Variants in LDLRAD4 observed in about 807,000 individuals in gnomAD.
The protein encoded by LDLRAD4 is low-density lipoprotein receptor class A domain-containing protein 4.
LDLRAD4 carries 5 observed loss-of-function variants against 17.0 expected under a neutral mutation model. The observed-to-expected ratio is 0.29, with a 90% CI of 0.15 to 0.62. The LOEUF is 0.62. Ranked by LOEUF, LDLRAD4 falls within the 20% of genes least tolerant of loss-of-function variation. The probability of loss-of-function intolerance (pLI) is 0.84; values close to 1 mark genes in which losing one functional copy is unlikely to be tolerated. For synonymous variants in LDLRAD4, 168 were observed against 171.8 expected (o/e 0.98, Z 0.17); for missense variants, 340 against 424.7 (o/e 0.80, Z 1.75).
chr18:13,499,874 T>C (rs1391390815), intron 3 of LDLRAD4, among the ~76,000 whole-genome samples: 1 of 152,218 alleles, frequency 6.6e-6, no homozygotes, highest in Non-Finnish European at 1.5e-5. Flanking sequence ...CCGTTTTTGC[T>C]CTCAGCTGTC....
At chr18:13,328,345 C>T (rs2081647244) in intron 1 of LDLRAD4, among the ~76,000 whole-genome samples, 1 of 152,220 alleles carries the variant, frequency 6.6e-6, no homozygotes, top group African/African-American at 2.4e-5. Flanking sequence ...CCTGTTTCTC[C>T]TTTCATAAAT....
chr18:13,619,514 C>CT (rs1491433531), intron 3 of LDLRAD4, among the ~76,000 whole-genome samples: 2 of 11,342 alleles, frequency 1.8e-4, no homozygotes, highest in Admixed American at 9.6e-4. Context: ...GGGGGTGGGG[C>CT]CGGGGGGGGG....
At chr18:13,474,073 C>T (rs1420965151) in intron 3 of LDLRAD4, among the ~76,000 whole-genome samples, 1 of 152,080 alleles carries the variant, frequency 6.6e-6, no homozygotes, top group African/African-American at 2.4e-5. Context: ...GAACCCGCCT[C>T]GTGCTCTTTC....
At chr18:13,242,355 TC>T (rs1318045056) in intron 1 of LDLRAD4, among the ~76,000 whole-genome samples, 1 of 152,230 alleles carries the variant, frequency 6.6e-6, no homozygotes, top group Non-Finnish European at 1.5e-5. Context: ...GTTGTTTAAT[TC>T]CTGCTGGTAC....
intron 3 of LDLRAD4, chr18:13,613,096 G>T: frequency 4.9e-6 from 1 of 204,514 alleles, no homozygotes; most frequent in Non-Finnish European, 9.8e-6. Context: ...GACCTCCCCT[G>T]GAAATTCTGC....
intron 2 of LDLRAD4, among the ~76,000 whole-genome samples, chr18:13,425,244 A>G (rs1001438397): frequency 6.6e-6 from 1 of 152,180 alleles, no homozygotes; most frequent in African/African-American, 2.4e-5. Flanking sequence ...TAAGGCAAGG[A>G]ACATAGTCCT....
At position 13,376,916 on chromosome 18, in the gene LDLRAD4, G is replaced by T. The variant is rs11873718; in HGVS notation, c.-382-10425G>T. On this transcript the variant is annotated intron_variant, in intron 1 of 5. Coordinates refer to ENST00000359446, the Ensembl canonical transcript of LDLRAD4. The stretch of plus-strand genomic sequence containing the variant: ...TGGCCGGAGGCCTCCAGAACACAGC[G>T]GTGGGGTTTGTGGCCCCATTAGTTA... Among the ~76,000 whole-genome samples the T allele has an allele frequency of 6.6e-3, 1,006 of 152,356 alleles. 15 individuals carry two copies. Among genetic ancestry groups the T allele is most frequent in the African/African-American group, 0.023 (941 of 41,584 alleles).
At chr18:13,228,661 C>A (rs1324962736) in intron 1 of LDLRAD4, among the ~76,000 whole-genome samples, 2 of 152,102 alleles carry the variant, frequency 1.3e-5, no homozygotes, top group African/African-American at 4.8e-5. Flanking sequence ...TTGAGACCAG[C>A]CTGGGCAGCA....
At chr18:13,249,507 A>AT (rs2043128234) in intron 1 of LDLRAD4, among the ~76,000 whole-genome samples, 1 of 151,484 alleles carries the variant, frequency 6.6e-6, no homozygotes, top group African/African-American at 2.4e-5. Flanking sequence ...GATGTTGCAC[A>AT]TTTTTCATAT....
intron 2 of LDLRAD4, among the ~76,000 whole-genome samples, chr18:13,402,186 G>A (rs2087287102): frequency 6.6e-6 from 1 of 152,086 alleles, no homozygotes; most frequent in Non-Finnish European, 1.5e-5. Context: ...TCAGGCTGTG[G>A]GCCCCGTTCC....
intron 1 of LDLRAD4, among the ~76,000 whole-genome samples, chr18:13,224,626 C>T (rs555456586): frequency 2.2e-4 from 33 of 151,274 alleles, no homozygotes; most frequent in South Asian, 6.3e-4. Context: ...ATTACAGGCA[C>T]GTGCCACCAC....
chr18:13,479,422 A>T (rs934498396), intron 3 of LDLRAD4, among the ~76,000 whole-genome samples: 3 of 152,202 alleles, frequency 2.0e-5, no homozygotes, highest in Non-Finnish European at 4.4e-5. Flanking sequence ...GGGGTTGGAG[A>T]CCAGCCTGGC....
intron 3 of LDLRAD4, among the ~76,000 whole-genome samples, chr18:13,569,178 C>CT (rs1338733313): frequency 6.6e-6 from 1 of 152,208 alleles, no homozygotes; most frequent in African/African-American, 2.4e-5. Flanking sequence ...GAGAAGCGCC[C>CT]TTTGCCCTCC....
chr18:13,587,787 T>A (rs1309245330), intron 3 of LDLRAD4, among the ~76,000 whole-genome samples: 1 of 152,256 alleles, frequency 6.6e-6, no homozygotes, highest in Admixed American at 6.5e-5. Context: ...ATAATCCTGC[T>A]TACTGGTATC....
intron 3 of LDLRAD4, among the ~76,000 whole-genome samples, chr18:13,617,374 C>G (rs184804828): frequency 7.2e-5 from 11 of 152,222 alleles, no homozygotes; most frequent in African/African-American, 2.6e-4. Context: ...TGTGCTGTGT[C>G]AGACCAAAAG....
intron 3 of LDLRAD4, chr18:13,472,580 C>T (rs1299975350): frequency 6.6e-6 from 1 of 152,098 alleles, no homozygotes; most frequent in African/African-American, 2.4e-5. Context: ...CTGGCGGCCT[C>T]CTCTGTCCTG....
intron 1 of LDLRAD4, among the ~76,000 whole-genome samples, chr18:13,352,828 T>C (rs191775628): frequency 2.3e-4 from 35 of 152,286 alleles, no homozygotes; most frequent in African/African-American, 8.4e-4. Flanking sequence ...GTCTTTAGAT[T>C]TTCTTATTCT....
intron 3 of LDLRAD4, among the ~76,000 whole-genome samples, chr18:13,604,329 G>A (rs926248251): frequency 2.6e-5 from 4 of 152,220 alleles, no homozygotes; most frequent in Non-Finnish European, 4.4e-5. Flanking sequence ...ACGGGTGCAG[G>A]CCTGCTGCCC....
chr18:13,415,341 G>A (rs2088777687), intron 2 of LDLRAD4, among the ~76,000 whole-genome samples: 1 of 152,240 alleles, frequency 6.6e-6, no homozygotes, highest in South Asian at 2.1e-4. Flanking sequence ...CCTTTCTCCA[G>A]TTAACGACCC....
Sources: allele counts gnomAD v4.1 joint callset (sites outside exome capture counted in the v4.1 genomes callset), GRCh38; gene constraint gnomAD v4.1.1; transcripts MANE v1.5; gene names NCBI Gene and HGNC (gene_info 2026-07-23, HGNC 2026-07-21).